The following SEC22A variants were observed in gnomAD, a reference collection of about 807,000 sequenced individuals.
SEC22A encodes vesicle-trafficking protein SEC22a.
SEC22A carries 22 observed loss-of-function variants against 35.3 expected under a neutral mutation model. That is an observed-to-expected ratio of 0.62 (90% CI 0.45 to 0.89). SEC22A has a LOEUF of 0.89. Ranked by LOEUF, SEC22A falls within the 40% of genes least tolerant of loss-of-function variation. SEC22A has a pLI of 0.00. For synonymous variants in SEC22A, 119 were observed against 129.5 expected (o/e 0.92, Z 0.55); for missense variants, 354 against 362.5 (o/e 0.98, Z 0.19).
intron 3 of SEC22A, among the ~76,000 whole-genome samples, chr3:123,224,651 C>T (rs1487496918): frequency 6.6e-6 from 1 of 152,108 alleles, no homozygotes; most frequent in Non-Finnish European, 1.5e-5. Flanking sequence ...ATAAACTGGG[C>T]ATGGTGGCTC....
intron 4 of SEC22A, among the ~76,000 whole-genome samples, chr3:123,243,185 G>A (rs555596175): frequency 4.7e-5 from 6 of 128,912 alleles, no homozygotes; most frequent in East Asian, 2.6e-4. Flanking sequence ...CCCAGTTCAC[G>A]TACTTACTTT....
chr3:123,228,724 C>T (rs1234866413), intron 4 of SEC22A, among the ~76,000 whole-genome samples: 3 of 151,948 alleles, frequency 2.0e-5, no homozygotes, highest in Admixed American at 1.3e-4. Context: ...TCATTATAAT[C>T]ATGTTCAAAG....
intron 5 of SEC22A, among the ~76,000 whole-genome samples, chr3:123,253,105 GA>G (rs562040577): frequency 6.6e-6 from 1 of 151,744 alleles, no homozygotes; most frequent in East Asian, 1.9e-4. Flanking sequence ...TGGCACATTA[GA>G]AAAAAAATGG....
chr3:123,235,228 T>C (rs950201598), intron 4 of SEC22A, among the ~76,000 whole-genome samples: 3 of 152,152 alleles, frequency 2.0e-5, no homozygotes, highest in Admixed American at 2.0e-4. Context: ...ACGACACTAT[T>C]AAGAAAATGA....
intron 3 of SEC22A, among the ~76,000 whole-genome samples, chr3:123,224,287 TA>T (rs1485632362): frequency 1.3e-5 from 2 of 152,050 alleles, no homozygotes; most frequent in African/African-American, 2.4e-5. Context: ...CACCATGTTG[TA>T]AATAGTAAAA....
intron 1 of SEC22A, chr3:123,208,281 G>A (rs1665553828): frequency 6.6e-6 from 1 of 152,030 alleles, no homozygotes; most frequent in Non-Finnish European, 1.5e-5. Flanking sequence ...CCATTTTATA[G>A]GATATTTAGA....
At chr3:123,225,027 C>T (rs1050969160) in intron 3 of SEC22A, 76 bp from the exon 4 acceptor site, 2 of 902,266 alleles carry the variant, frequency 2.2e-6, no homozygotes, top group South Asian at 3.8e-5. Flanking sequence ...GTAATATTTA[C>T]TATCCATAAA....
At chr3:123,244,310 G>A (rs1280134696) in intron 4 of SEC22A, among the ~76,000 whole-genome samples, 1 of 152,290 alleles carries the variant, frequency 6.6e-6, no homozygotes, top group Admixed American at 6.5e-5. Flanking sequence ...GGAATCTCTA[G>A]AATTTCTTCC....
intron 3 of SEC22A, 113 bp from the exon 4 acceptor site, chr3:123,224,985 CGAATT>C: frequency 4.6e-6 from 3 of 651,188 alleles, no homozygotes; most frequent in Admixed American, 5.5e-5. Flanking sequence ...TATTTCATGA[CGAATT>C]GAACAATTTT....
chr3:123,225,433 T>C (rs758107487), intron 4 of SEC22A, 136 bp downstream of exon 4: 28 of 479,588 alleles, frequency 5.8e-5, no homozygotes, highest in Non-Finnish European at 9.4e-5. Flanking sequence ...AGCAATCCTT[T>C]CAGTGATTTA....
At chr3:123,216,534 G>A (rs1315585844) in intron 2 of SEC22A, among the ~76,000 whole-genome samples, 1 of 152,048 alleles carries the variant, frequency 6.6e-6, no homozygotes, top group Non-Finnish European at 1.5e-5. Context: ...AAAATTTATG[G>A]CTAAAATGGG....
intron 4 of SEC22A, among the ~76,000 whole-genome samples, chr3:123,230,093 A>C (rs944821247): frequency 6.6e-6 from 1 of 151,698 alleles, no homozygotes; most frequent in African/African-American, 2.4e-5. Flanking sequence ...GGTTGCAGTG[A>C]GGTAGGCTGC....
At chr3:123,214,512 A>G (rs1215015326) in intron 2 of SEC22A, among the ~76,000 whole-genome samples, 2 of 152,218 alleles carry the variant, frequency 1.3e-5, no homozygotes, top group Non-Finnish European at 1.5e-5. Context: ...CTCACATTCT[A>G]TAGTGATATT....
chr3:123,225,237 G>A lies in SEC22A; in HGVS notation c.481G>A (p.Ala161Thr). 6.2e-7 allele frequency: 1 copy of A among 1,613,740 alleles called. No homozygotes were observed. The highest frequency in any genetic ancestry group is 1.1e-5 in the South Asian group (1 of 91,048). The change falls in exon 4 of 7, where the codon GCC becomes ACC. Residue 161 changes from alanine to threonine, a missense_variant. Physicochemically the swap from Ala to Thr is moderately conservative, Grantham distance 58. Coordinates refer to ENST00000492595, the MANE Select transcript of SEC22A (RefSeq NM_012430.5). ...AATTTCCATGTGCGAACTGGGGTCA[G>A]CCAATGGAGTCACATCAGCATTTTC... is the stretch of plus-strand genomic sequence containing the variant. Reference protein sequence around the residue: ...YQISMCELGSANGVTSAFSVD... With the variant: ...YQISMCELGSTNGVTSAFSVD...
At chr3:123,233,737 CATT>C (rs1035620659) in intron 4 of SEC22A, among the ~76,000 whole-genome samples, 6 of 152,076 alleles carry the variant, frequency 3.9e-5, no homozygotes, top group African/African-American at 1.4e-4. Context: ...CCACAACTAA[CATT>C]ATATCTAATG....
At chr3:123,255,709 A>G (rs1937714856) in intron 5 of SEC22A, among the ~76,000 whole-genome samples, 1 of 152,164 alleles carries the variant, frequency 6.6e-6, no homozygotes. Flanking sequence ...CATCTTTTTA[A>G]GTCTAAAAAT....
chr3:123,239,571 A>C (rs1239121593), intron 4 of SEC22A, among the ~76,000 whole-genome samples: 2 of 151,778 alleles, frequency 1.3e-5, no homozygotes, highest in Non-Finnish European at 2.9e-5. Flanking sequence ...CATTTCTCTG[A>C]TGGCCAGTGA....
chr3:123,223,803 G>A (rs1937172783), intron 3 of SEC22A, 81 bp downstream of exon 3: 12 of 961,310 alleles, frequency 1.2e-5, no homozygotes, highest in Non-Finnish European at 1.9e-5. Context: ...TGGGTGGAGG[G>A]GGGACTTCTG....
chr3:123,253,510 A>AAGACCAGCCTGGCCAAG (rs77383403), intron 5 of SEC22A, among the ~76,000 whole-genome samples: 31,466 of 151,604 alleles, frequency 0.21, 3,391 homozygotes, highest in Middle Eastern at 0.27. Flanking sequence ...TCAGGAGTTC[A>AAGACCAGCCTGGCCAAG]AGACCAGCCT....
Sources: allele counts gnomAD v4.1 joint callset (sites outside exome capture counted in the v4.1 genomes callset), GRCh38; gene constraint gnomAD v4.1.1; transcripts MANE v1.5; gene names NCBI Gene and HGNC (gene_info 2026-07-23, HGNC 2026-07-21).